LRRC4C: variants seen among roughly 807,000 people sequenced by gnomAD.
LRRC4C encodes the protein leucine rich repeat containing 4C.
Under a neutral mutation model 33.6 loss-of-function variants are expected in LRRC4C, and 5 were observed. The observed-to-expected ratio is 0.15, with a 90% CI of 0.08 to 0.31. The LOEUF (loss-of-function observed/expected upper bound fraction) is 0.31, where lower values mean the gene tolerates loss of function less well. LRRC4C is among the 10% of genes least tolerant of loss of function. The probability of loss-of-function intolerance (pLI) is 1.00; values close to 1 mark genes in which losing one functional copy is unlikely to be tolerated. For missense variants in LRRC4C, 560 were observed against 796.7 expected (o/e 0.70, Z 3.58); for synonymous variants, 329 against 302.0 (o/e 1.09, Z -0.93).
At chr11:40,231,547 G>T (rs1422322327) in intron 5 of LRRC4C, among the ~76,000 whole-genome samples, 1 of 152,024 alleles carries the variant, frequency 6.6e-6, no homozygotes. Context: ...CATATTTTGT[G>T]CCAGGTACTA....
intron 3 of LRRC4C, among the ~76,000 whole-genome samples, chr11:40,513,248 C>CAAAAAAAA (rs1171178910): frequency 8.4e-4 from 46 of 54,942 alleles, no homozygotes; most frequent in African/African-American, 1.5e-3. Context: ...GACTCCGTCT[C>CAAAAAAAA]AAAAAAAAAA....
chr11:41,135,426 G>A (rs992761011), intron 1 of LRRC4C, among the ~76,000 whole-genome samples: 9 of 152,086 alleles, frequency 5.9e-5, no homozygotes, highest in Admixed American at 2.0e-4. Flanking sequence ...AAATGGGAAC[G>A]AAAACATGGC....
At chr11:40,933,417 G>A (rs1021776590) in intron 2 of LRRC4C, among the ~76,000 whole-genome samples, 26 of 152,226 alleles carry the variant, frequency 1.7e-4, no homozygotes, top group African/African-American at 5.8e-4. Context: ...TTCCAAGGTA[G>A]TATAAGTCAT....
chr11:40,793,354 C>G (rs1950703429), intron 2 of LRRC4C, among the ~76,000 whole-genome samples: 1 of 151,984 alleles, frequency 6.6e-6, no homozygotes, highest in Non-Finnish European at 1.5e-5. Context: ...ATAAAGTTAC[C>G]TCAGTTCAAA....
intron 4 of LRRC4C, among the ~76,000 whole-genome samples, chr11:40,270,093 G>A: frequency 6.6e-6 from 1 of 152,092 alleles, no homozygotes; most frequent in East Asian, 1.9e-4. Context: ...GTTCATGCTT[G>A]CTGGTGGAGA....
At chr11:41,177,167 T>C (rs1945240814) in intron 1 of LRRC4C, among the ~76,000 whole-genome samples, 1 of 152,162 alleles carries the variant, frequency 6.6e-6, no homozygotes. Flanking sequence ...TGGATATGTC[T>C]GGCATATTTG....
intron 1 of LRRC4C, among the ~76,000 whole-genome samples, chr11:41,122,489 A>T (rs998816030): frequency 6.6e-6 from 1 of 151,864 alleles, no homozygotes; most frequent in African/African-American, 2.4e-5. Context: ...TTCAACTGAT[A>T]ATATATATAT....
At chr11:41,089,448 G>C (rs895549281) in intron 1 of LRRC4C, among the ~76,000 whole-genome samples, 2 of 151,934 alleles carry the variant, frequency 1.3e-5, no homozygotes, top group Admixed American at 1.3e-4. Context: ...GATGACTTTG[G>C]CTTTGGTCCA....
intron 4 of LRRC4C, among the ~76,000 whole-genome samples, chr11:40,317,714 C>T (rs1945645734): frequency 6.6e-6 from 1 of 152,036 alleles, no homozygotes; most frequent in Non-Finnish European, 1.5e-5. Context: ...TTTATTAGTT[C>T]ACATATGGTT....
chr11:40,759,446 C>G (rs1949096535), intron 2 of LRRC4C, among the ~76,000 whole-genome samples: 1 of 151,686 alleles, frequency 6.6e-6, no homozygotes, highest in Admixed American at 6.6e-5. Flanking sequence ...AAGATTTGCT[C>G]AATACTGTAA....
intron 4 of LRRC4C, among the ~76,000 whole-genome samples, chr11:40,261,709 A>T (rs903180486): frequency 1.5e-4 from 23 of 151,740 alleles, no homozygotes; most frequent in Non-Finnish European, 1.6e-4. Flanking sequence ...TAAAAAAAGA[A>T]TTTTTTTTGA....
intron 1 of LRRC4C, among the ~76,000 whole-genome samples, chr11:41,365,923 TC>T (rs1952518462): frequency 6.6e-6 from 1 of 152,198 alleles, no homozygotes; most frequent in Admixed American, 6.5e-5. Flanking sequence ...ATTTAATTTT[TC>T]AGAATTGTTT....
At chr11:41,163,410 A>G in intron 1 of LRRC4C, among the ~76,000 whole-genome samples, 1 of 148,234 alleles carries the variant, frequency 6.7e-6, no homozygotes, top group South Asian at 2.1e-4. Flanking sequence ...CAGCTTCCTG[A>G]GTAGCTGGAA....
intron 3 of LRRC4C, among the ~76,000 whole-genome samples, chr11:40,454,690 G>T (rs1952052701): frequency 6.6e-6 from 1 of 152,062 alleles, no homozygotes; most frequent in Non-Finnish European, 1.5e-5. Flanking sequence ...ATCCATATCT[G>T]AATATTCATT....
chr11:40,784,138 T>C lies in LRRC4C; in HGVS notation c.-406-135860A>G, dbSNP rs148307141. Among the ~76,000 whole-genome samples the C allele has an allele frequency of 4.3e-3, 662 of 152,246 alleles. 9 individuals carry two copies. Among genetic ancestry groups the C allele is most frequent in the African/African-American group, 0.015 (632 of 41,544 alleles). ...CCTATGTATTATGTTCATTTAATAGTTCATTTTCTTGGGTTTCTACTTCAC... is the reference window on the plus strand; with the variant it reads ...CCTATGTATTATGTTCATTTAATAGCTCATTTTCTTGGGTTTCTACTTCAC... On this transcript the variant is annotated intron_variant, in intron 2 of 6. Coordinates refer to ENST00000528697, the MANE Select transcript of LRRC4C (RefSeq NM_001258419.2).
At chr11:40,624,899 A>G (rs78482139) in intron 3 of LRRC4C, among the ~76,000 whole-genome samples, 2 of 152,252 alleles carry the variant, frequency 1.3e-5, no homozygotes, top group African/African-American at 2.4e-5. Flanking sequence ...TAAGCCCTTT[A>G]AGGTCATTTA....
At chr11:40,848,262 C>T (rs1953296667) in intron 2 of LRRC4C, among the ~76,000 whole-genome samples, 2 of 152,152 alleles carry the variant, frequency 1.3e-5, no homozygotes, top group Admixed American at 6.5e-5. Context: ...TTAGATCTTT[C>T]CTGCTTTCTC....
At chr11:41,341,182 G>A (rs1951625530) in intron 1 of LRRC4C, among the ~76,000 whole-genome samples, 1 of 151,334 alleles carries the variant, frequency 6.6e-6, no homozygotes. Flanking sequence ...TGTTACTTAA[G>A]AAAACAAGTA....
intron 1 of LRRC4C, among the ~76,000 whole-genome samples, chr11:40,970,101 C>T (rs571056583): frequency 5.9e-5 from 9 of 152,270 alleles, no homozygotes; most frequent in African/African-American, 1.9e-4. Context: ...CAGCTGACCC[C>T]TGCTGACTCT....
Sources: gnomAD v4.1 joint callset for allele counts (sites outside exome capture counted in the v4.1 genomes callset) on GRCh38, gnomAD v4.1.1 for gene constraint, MANE v1.5 for transcripts, NCBI Gene and HGNC (gene_info 2026-07-23, HGNC 2026-07-21) for gene names.